ACER2: variants seen among roughly 807,000 people sequenced by gnomAD.
The protein encoded by ACER2 is alkaline ceramidase 2.
A neutral mutation model predicts 34.7 loss-of-function variants in ACER2; 26 were observed. The observed-to-expected ratio is 0.75, with a 90% CI of 0.55 to 1.04. ACER2 has a LOEUF of 1.04. ACER2 is among the 50% of genes least tolerant of loss of function. The pLI is 0.00. For synonymous variants in ACER2, 138 were observed against 132.1 expected, an observed-to-expected ratio of 1.04 and a Z score of -0.31; for missense variants, 352 against 340.8, an observed-to-expected ratio of 1.03 and a Z score of -0.26.
intron 5 of ACER2, among the ~76,000 whole-genome samples, chr9:19,447,634 A>G (rs1323159863): frequency 1.3e-5 from 2 of 152,216 alleles, no homozygotes; most frequent in African/African-American, 4.8e-5. Flanking sequence ...CACTAGGTAA[A>G]TATGACCTCA....
intron 1 of ACER2, among the ~76,000 whole-genome samples, chr9:19,416,080 AAC>A (rs1300506747): frequency 1.3e-5 from 2 of 151,012 alleles, no homozygotes; most frequent in Non-Finnish European, 2.9e-5. Context: ...TTTTTACAAG[AAC>A]ACATTCATGT....
intron 5 of ACER2, among the ~76,000 whole-genome samples, chr9:19,447,572 T>A (rs1170486414): frequency 6.6e-6 from 1 of 152,178 alleles, no homozygotes; most frequent in Non-Finnish European, 1.5e-5. Context: ...AATTTCCAGA[T>A]AACAAAATGT....
intron 1 of ACER2, among the ~76,000 whole-genome samples, chr9:19,412,140 G>A (rs945509869): frequency 6.6e-6 from 1 of 152,132 alleles, no homozygotes; most frequent in Non-Finnish European, 1.5e-5. Flanking sequence ...TAAAACTCCT[G>A]TCTTGGGATC....
rs760968768 is a variant in ACER2 at position 19,446,316 on chromosome 9, T to G, written c.539T>G (p.Phe180Cys). The G allele has an allele frequency of 5.6e-6, 9 of 1,614,156 alleles. No homozygotes were observed. Among genetic ancestry groups the G allele is most frequent in the Non-Finnish European group, 7.6e-6 (9 of 1,180,032 alleles). The change falls in exon 5 of 6, where the codon TTC (phenylalanine) becomes TGC (cysteine). Residue 180 changes from phenylalanine to cysteine, a missense_variant. Transcript: ENST00000340967. Reference sequence around the variant, plus strand: ...ATGCGTGTGTTTAAGCTGGGCCTCTTCTCGGGCCTCTGGTGGACCCTGGCC... The same window carrying G: ...ATGCGTGTGTTTAAGCTGGGCCTCTGCTCGGGCCTCTGGTGGACCCTGGCC... ...DNMRVFKLGL[F>C]SGLWWTLALF...
At chr9:19,433,812 G>A (rs887804212) in intron 3 of ACER2, among the ~76,000 whole-genome samples, 1 of 151,930 alleles carries the variant, frequency 6.6e-6, no homozygotes, top group African/African-American at 2.4e-5. Context: ...TCCCGGACGG[G>A]GCGGCTGGCC....
chr9:19,424,510 G>A (rs1015370337), intron 2 of ACER2, 190 bp from the exon 3 acceptor site: 160 of 985,204 alleles, frequency 1.6e-4, no homozygotes, highest in Non-Finnish European at 1.9e-4. Flanking sequence ...GGCCCTAGTT[G>A]AAATCTTCTT....
At chr9:19,433,366 A>G (rs1263036791) in intron 3 of ACER2, among the ~76,000 whole-genome samples, 1 of 151,894 alleles carries the variant, frequency 6.6e-6, no homozygotes, top group African/African-American at 2.4e-5. Flanking sequence ...CTTAATGAGC[A>G]TGCTGCCTTC....
At chr9:19,410,757 A>G (rs10120306) in intron 1 of ACER2, among the ~76,000 whole-genome samples, 23,848 of 152,204 alleles carry the variant, frequency 0.16, 1,925 homozygotes, top group South Asian at 0.26. Context: ...GGAAGTGGCC[A>G]TGACTTATGT....
intron 1 of ACER2, among the ~76,000 whole-genome samples, chr9:19,421,241 G>A (rs1830396015): frequency 6.6e-6 from 1 of 152,184 alleles, no homozygotes; most frequent in Non-Finnish European, 1.5e-5. Flanking sequence ...TGACTGAAAT[G>A]TCATTTTGTT....
At chr9:19,441,048 CTTTTTTT>C (rs539195950) in intron 4 of ACER2, among the ~76,000 whole-genome samples, 13 of 138,920 alleles carry the variant, frequency 9.4e-5, no homozygotes, top group Non-Finnish European at 1.7e-4. Flanking sequence ...TTTTCTTTTT[CTTTTTTT>C]TTTTTTTTTT....
chr9:19,424,296 A>G (rs1425088935), intron 2 of ACER2: 1 of 917,492 alleles, frequency 1.1e-6, no homozygotes, highest in East Asian at 1.2e-4. Context: ...ACTAAAATTA[A>G]AGAAAAAAAT....
chr9:19,444,763 A>T (rs1011151523), intron 4 of ACER2, among the ~76,000 whole-genome samples: 1 of 152,226 alleles, frequency 6.6e-6, no homozygotes, highest in Non-Finnish European at 1.5e-5. Flanking sequence ...TTCAAGGTAG[A>T]GAGTGGTAAT....
intron 1 of ACER2, among the ~76,000 whole-genome samples, chr9:19,412,610 G>A (rs766929990): frequency 2.3e-4 from 34 of 148,374 alleles, no homozygotes; most frequent in Non-Finnish European, 1.5e-5. Context: ...AGCTGAGATC[G>A]CGCCACTGCA....
At position 19,422,122 on chromosome 9, in the gene ACER2, CA is replaced by C. The variant is rs57946946; in HGVS notation, c.109-1725del. Among the ~76,000 whole-genome samples, 359 of 131,510 alleles carry C rather than the reference CA, an allele frequency of 2.7e-3. 2 individuals are homozygous for C. The highest frequency in any genetic ancestry group is 7.2e-3 in the South Asian group (30 of 4,170). The allele number at this position is 131,510 out of a possible 152,430, so 86.3% of individuals were successfully genotyped here. The stretch of plus-strand genomic sequence containing the variant: ...AACATAGTGAGACCACCATCTCTAC[CA>C]AAAAAAAAAAAAAATTATAATAATA... On this transcript the variant is annotated intron_variant, in intron 1 of 5. Transcript: ENST00000340967.
intron 4 of ACER2, among the ~76,000 whole-genome samples, chr9:19,440,151 A>G (rs529636735): frequency 5.3e-5 from 8 of 152,228 alleles, no homozygotes; most frequent in Middle Eastern, 3.4e-3. Flanking sequence ...TGCTCGCCCA[A>G]TTAGTTCTCC....
intron 4 of ACER2, among the ~76,000 whole-genome samples, chr9:19,444,303 C>G (rs1831269494): frequency 6.6e-6 from 1 of 151,496 alleles, no homozygotes; most frequent in Admixed American, 6.6e-5. Flanking sequence ...GCTCCGCCTC[C>G]CGGGTTCACG....
Position 19,446,271 on chromosome 9 carries a change from C to T in ACER2, c.504-10C>T. The T allele has an allele frequency of 6.2e-7, 1 of 1,614,080 alleles. No individual in the cohort carries two copies. On this transcript the variant is annotated splice_polypyrimidine_tract_variant and intron_variant, in intron 4 of 5. Coordinates refer to ENST00000340967, the MANE Select transcript of ACER2 (RefSeq NM_001010887.3). ...TCTGACGATGAGTGACTCTCTGGAC[C>T]CCCGTGCAGGTGTGACAACATGCGT...
intron 4 of ACER2, 186 bp from the exon 5 acceptor site, chr9:19,446,095 G>A: frequency 1.1e-6 from 1 of 895,258 alleles, no homozygotes; most frequent in East Asian, 2.4e-5. Context: ...GGGTGTCTGT[G>A]AGCCATCTGT....
chr9:19,423,622 A>G (rs975752018), intron 1 of ACER2, among the ~76,000 whole-genome samples: 7 of 151,896 alleles, frequency 4.6e-5, no homozygotes, highest in African/African-American at 1.7e-4. Context: ...AATTGCTTGA[A>G]CTCGGGAGGT....
Sources: gnomAD v4.1 joint callset for allele counts (sites outside exome capture counted in the v4.1 genomes callset) on GRCh38, gnomAD v4.1.1 for gene constraint, MANE v1.5 for transcripts, NCBI Gene and HGNC (gene_info 2026-07-23, HGNC 2026-07-21) for gene names.